PHACTR1: variants seen among roughly 807,000 people sequenced by gnomAD.
The protein encoded by PHACTR1 is phosphatase and actin regulator 1.
PHACTR1 carries 16 observed loss-of-function variants against 69.2 expected under a neutral mutation model. The ratio of observed to expected loss-of-function variants is 0.23; its 90% CI spans 0.16 to 0.35. The LOEUF (loss-of-function observed/expected upper bound fraction) is 0.35, where lower values mean the gene tolerates loss of function less well. PHACTR1 is among the 10% of genes least tolerant of loss of function. The probability of loss-of-function intolerance (pLI) is 1.00; values close to 1 mark genes in which losing one functional copy is unlikely to be tolerated. For missense variants in PHACTR1, 510 were observed against 734.7 expected (o/e 0.69, Z 3.54); for synonymous variants, 312 against 284.5 (o/e 1.10, Z -0.97).
intron 4 of PHACTR1, among the ~76,000 whole-genome samples, chr6:12,768,708 T>C (rs1419096892): frequency 6.6e-6 from 1 of 152,046 alleles, no homozygotes; most frequent in African/African-American, 2.4e-5. Context: ...AGGGGAATGC[T>C]GGATCCTATG....
chr6:13,012,799 G>T (rs1181837663), intron 4 of PHACTR1, among the ~76,000 whole-genome samples: 2 of 152,174 alleles, frequency 1.3e-5, no homozygotes, highest in Admixed American at 6.5e-5. Flanking sequence ...TGTGTGAATT[G>T]GTGGTTTATT....
intron 4 of PHACTR1, among the ~76,000 whole-genome samples, chr6:13,039,260 G>A (rs1164034030): frequency 1.3e-5 from 2 of 152,304 alleles, no homozygotes; most frequent in East Asian, 3.9e-4. Flanking sequence ...ATAAATGATA[G>A]AACACTATTC....
At chr6:13,271,351 C>T (rs1016256940) in intron 10 of PHACTR1, among the ~76,000 whole-genome samples, 2 of 152,046 alleles carry the variant, frequency 1.3e-5, no homozygotes, top group African/African-American at 2.4e-5. Flanking sequence ...ATTTGGGCAG[C>T]GACAAATATC....
intron 4 of PHACTR1, among the ~76,000 whole-genome samples, chr6:12,762,907 G>A (rs1273359575): frequency 1.3e-5 from 2 of 152,050 alleles, no homozygotes; most frequent in East Asian, 1.9e-4. Context: ...ACCACGTCAC[G>A]ACTTGTTTCA....
chr6:12,757,594 A>C (rs1767483157), intron 4 of PHACTR1, among the ~76,000 whole-genome samples: 6 of 152,122 alleles, frequency 3.9e-5, no homozygotes, highest in Admixed American at 3.3e-4. Flanking sequence ...GAAACAGTGG[A>C]AAGTGGTAAA....
At chr6:12,927,713 A>G (rs1788421936) in intron 4 of PHACTR1, among the ~76,000 whole-genome samples, 1 of 152,230 alleles carries the variant, frequency 6.6e-6, no homozygotes. Flanking sequence ...CGTGATGACA[A>G]TGCCTGGGGC....
intron 4 of PHACTR1, among the ~76,000 whole-genome samples, chr6:13,018,599 A>G (rs1800513966): frequency 1.3e-5 from 2 of 152,070 alleles, no homozygotes; most frequent in Admixed American, 6.6e-5. Context: ...TCTGTAATTA[A>G]ACTTCCTTGG....
At chr6:13,148,207 A>G (rs1490563250) in intron 5 of PHACTR1, among the ~76,000 whole-genome samples, 1 of 150,252 alleles carries the variant, frequency 6.7e-6, no homozygotes, top group Non-Finnish European at 1.5e-5. Flanking sequence ...AAATTTGCAA[A>G]CATAAGAGAA....
chr6:12,830,271 T>C (rs1045860105), intron 4 of PHACTR1, among the ~76,000 whole-genome samples: 2 of 151,708 alleles, frequency 1.3e-5, no homozygotes, highest in Non-Finnish European at 2.9e-5. Context: ...TGGACCTGAG[T>C]TCCCAGACTC....
rs1780423742 is a variant in PHACTR1, at chr6:12,856,837, C to G, written c.250+107047C>G. The stretch of plus-strand genomic sequence containing the variant: ...TATTTGAGAATTAAGCCAGAAGTAC[C>G]CAGAGGATTGTCATCTTCACTAATG... On this transcript the variant is annotated intron_variant, in intron 4 of 14. Coordinates refer to ENST00000332995, the MANE Select transcript of PHACTR1 (RefSeq NM_030948.6). 2.0e-5 allele frequency among the ~76,000 whole-genome samples: 3 copies of G among 152,260 alleles called. No individual in the cohort carries two copies. The South Asian group carries it at 6.2e-4, about 32-fold the overall frequency.
chr6:13,034,199 A>G (rs1042655841), intron 4 of PHACTR1, among the ~76,000 whole-genome samples: 3 of 151,702 alleles, frequency 2.0e-5, no homozygotes, highest in African/African-American at 7.3e-5. Flanking sequence ...TTGTATTTTT[A>G]GTAGAGACGG....
intron 4 of PHACTR1, among the ~76,000 whole-genome samples, chr6:13,033,022 G>A (rs913865706): frequency 3.3e-5 from 5 of 152,170 alleles, no homozygotes; most frequent in African/African-American, 1.2e-4. Context: ...TCTGAAAGTC[G>A]TAAAAATGAA....
At chr6:12,987,491 C>T (rs1796324818) in intron 4 of PHACTR1, among the ~76,000 whole-genome samples, 2 of 152,140 alleles carry the variant, frequency 1.3e-5, no homozygotes, top group South Asian at 4.1e-4. Flanking sequence ...ACAAATGTTT[C>T]TGTTTGGAAA....
intron 4 of PHACTR1, among the ~76,000 whole-genome samples, chr6:12,830,092 G>GGAAAGAAAGAAAGAAAGAAA (rs201322567): frequency 2.7e-5 from 3 of 109,148 alleles, no homozygotes; most frequent in African/African-American, 4.3e-5. Flanking sequence ...AAGGAAGGAG[G>GGAAAGAAAGAAAGAAAGAAA]GAAAGAAAGA....
intron 7 of PHACTR1, among the ~76,000 whole-genome samples, chr6:13,185,335 A>G (rs1237205314): frequency 6.6e-6 from 1 of 152,234 alleles, no homozygotes; most frequent in Non-Finnish European, 1.5e-5. Context: ...CATTTTTGCA[A>G]AGATAAAGAA....
intron 10 of PHACTR1, among the ~76,000 whole-genome samples, chr6:13,259,784 C>A (rs413167): frequency 1.3e-5 from 2 of 152,172 alleles, no homozygotes; most frequent in African/African-American, 2.4e-5. Context: ...ATCTTCCCCC[C>A]TCTGTGCTCT....
chr6:13,113,618 C>G (rs1817378508), intron 5 of PHACTR1, among the ~76,000 whole-genome samples: 1 of 152,132 alleles, frequency 6.6e-6, no homozygotes, highest in African/African-American at 2.4e-5. Context: ...AATAAAGGGT[C>G]CTGATAACAA....
intron 10 of PHACTR1, among the ~76,000 whole-genome samples, chr6:13,253,424 A>T (rs1162698276): frequency 6.6e-6 from 1 of 152,152 alleles, no homozygotes; most frequent in Non-Finnish European, 1.5e-5. Context: ...ATGAATGATG[A>T]CATTTTTCTG....
chr6:13,134,017 C>T (rs1821056869), intron 5 of PHACTR1, among the ~76,000 whole-genome samples: 1 of 149,604 alleles, frequency 6.7e-6, no homozygotes, highest in Non-Finnish European at 1.5e-5. Flanking sequence ...AGTGTCTCTG[C>T]CCGACCACCA....
Sources: allele counts gnomAD v4.1 joint callset (sites outside exome capture counted in the v4.1 genomes callset), GRCh38; gene constraint gnomAD v4.1.1; transcripts MANE v1.5; gene names NCBI Gene and HGNC (gene_info 2026-07-23, HGNC 2026-07-21).